Variants in PCDH17 observed in about 807,000 individuals in gnomAD.
PCDH17 encodes protocadherin 17.
PCDH17 carries 21 observed loss-of-function variants against 67.7 expected under a neutral mutation model. The observed-to-expected ratio is 0.31, with a 90% CI of 0.22 to 0.45. The LOEUF (loss-of-function observed/expected upper bound fraction) is 0.45. Ranked by LOEUF, PCDH17 falls within the 20% of genes least tolerant of loss-of-function variation. PCDH17 has a pLI of 1.00. For missense variants in PCDH17, 1,471 were observed against 1,564.8 expected, an observed-to-expected ratio of 0.94 and a Z score of 1.01; for synonymous variants, 701 against 656.7, an observed-to-expected ratio of 1.07 and a Z score of -1.03.
intron 3 of PCDH17, among the ~76,000 whole-genome samples, chr13:57,701,292 T>G (rs1955660759): frequency 6.6e-6 from 1 of 151,592 alleles, no homozygotes; most frequent in Admixed American, 6.6e-5. Flanking sequence ...TTGTTTGTTT[T>G]TTAACATAAC....
At chr13:57,703,447 A>C (rs945446242) in intron 3 of PCDH17, among the ~76,000 whole-genome samples, 2 of 152,148 alleles carry the variant, frequency 1.3e-5, no homozygotes, top group Non-Finnish European at 2.9e-5. Flanking sequence ...AGGAGTGAGC[A>C]AAAGGAGATT....
Position 57,633,347 on chromosome 13 carries a change from C to A in PCDH17, c.801C>A (p.Ala267=). ...PLGTVVIDLN[A]TDADEGPNGE... ...GTACAGTGGTCATCGATCTGAACGC[C>A]ACCGACGCCGATGAAGGTCCCAATG... The change falls in exon 1 of 4, where the codon GCC becomes GCA. Residue 267 remains alanine, a synonymous_variant. Coordinates refer to ENST00000377918, the MANE Select transcript of PCDH17 (RefSeq NM_001040429.3). The surrounding 1 kb of genome is among the most constrained non-coding windows in gnomAD (Gnocchi z 6.2). The A allele has an allele frequency of 1.2e-6, 2 of 1,613,264 alleles. No individual in the cohort carries two copies. Among genetic ancestry groups the A allele is most frequent in the African/African-American group, 2.7e-5 (2 of 75,036 alleles).
intron 1 of PCDH17, among the ~76,000 whole-genome samples, chr13:57,641,549 T>A (rs1404580662): frequency 1.9e-5 from 2 of 107,030 alleles, no homozygotes; most frequent in Non-Finnish European, 3.7e-5. Context: ...TTTCAGACAG[T>A]GTTTGAGAGA....
Position 57,633,338 on chromosome 13 carries a change from T to G in PCDH17, c.792T>G (p.Asp264Glu), listed in dbSNP as rs1278464877. Residue 264 changes from aspartate to glutamate, a missense_variant, in exon 1 of 4, where the codon GAT becomes GAG. Asp to Glu is a conservative substitution (Grantham distance 45). Around this residue, in one of 3 missense-constraint regions of PCDH17, gnomAD observed 1,163 missense variants for 1,230.0 expected, o/e 0.95. Transcript: ENST00000377918. The surrounding 1 kb of genome is among the most constrained non-coding windows in gnomAD (Gnocchi z 6.2). ...CTCCGCTGGGTACAGTGGTCATCGA[T>G]CTGAACGCCACCGACGCCGATGAAG... ...ENAPLGTVVI[D>E]LNATDADEGP... 2 of 1,613,196 alleles carry G rather than the reference T, an allele frequency of 1.2e-6. No individual in the cohort carries two copies. The highest frequency in any genetic ancestry group is 1.7e-6 in the Non-Finnish European group (2 of 1,180,018).
At position 57,696,587 on chromosome 13, in the gene PCDH17, C is replaced by G. The variant is rs150352903; in HGVS notation, c.2798-28025C>G. On this transcript the variant is annotated intron_variant, in intron 3 of 3. Transcript: ENST00000377918. Reference sequence around the variant, plus strand: ...ATGCCTTAGGATTAATTCTTCGCAGCCTGTCTTATATGGTATCCATTAAAA... The same window carrying G: ...ATGCCTTAGGATTAATTCTTCGCAGGCTGTCTTATATGGTATCCATTAAAA... Among the ~76,000 whole-genome samples the G allele has an allele frequency of 3.0e-3, 447 of 151,274 alleles. 2 individuals carry two copies. The highest frequency in any genetic ancestry group is 0.01 in the African/African-American group (415 of 41,434).
intron 3 of PCDH17, 23 bp downstream of exon 3, chr13:57,666,856 T>C: frequency 6.3e-7 from 1 of 1,577,292 alleles, no homozygotes; most frequent in East Asian, 2.3e-5. Context: ...TTCCAATGCT[T>C]ACAAAGTGTA....
At chr13:57,709,577 T>G (rs905409900) in intron 3 of PCDH17, 2 of 152,020 alleles carry the variant, frequency 1.3e-5, no homozygotes, top group African/African-American at 4.8e-5. Flanking sequence ...ATATAAAAGT[T>G]AAAATCAATA....
At chr13:57,689,373 G>A (rs1211149373) in intron 3 of PCDH17, among the ~76,000 whole-genome samples, 1 of 151,946 alleles carries the variant, frequency 6.6e-6, no homozygotes, top group African/African-American at 2.4e-5. Flanking sequence ...TGAGGGAGAA[G>A]GGGCAAGTTT....
At chr13:57,659,065 A>G (rs1266138749) in intron 1 of PCDH17, among the ~76,000 whole-genome samples, 3 of 151,862 alleles carry the variant, frequency 2.0e-5, no homozygotes, top group African/African-American at 7.3e-5. Context: ...TATAATGGGT[A>G]GCATAATATT....
At chr13:57,656,940 T>C (rs1955113409) in intron 1 of PCDH17, among the ~76,000 whole-genome samples, 1 of 152,180 alleles carries the variant, frequency 6.6e-6, no homozygotes, top group African/African-American at 2.4e-5. Flanking sequence ...ACAGCAAATA[T>C]ATAACAGGAA....
At chr13:57,671,394 A>G (rs184007491) in intron 3 of PCDH17, among the ~76,000 whole-genome samples, 305 of 151,992 alleles carry the variant, frequency 2.0e-3, no homozygotes, top group African/African-American at 7.2e-3. Context: ...TAAATATAGT[A>G]TTAGTTCTGT....
At chr13:57,698,256 C>A (rs999391509) in intron 3 of PCDH17, among the ~76,000 whole-genome samples, 8 of 151,490 alleles carry the variant, frequency 5.3e-5, no homozygotes, top group African/African-American at 1.9e-4. Context: ...TACACACACA[C>A]ACATAGAGTT....
Position 57,634,518 on chromosome 13 carries a change from G to A in PCDH17, c.1972G>A (p.Val658Met), listed in dbSNP as rs1389612834. 1.2e-6 allele frequency: 2 copies of A among 1,613,000 alleles called. No individual in the cohort carries two copies. The highest frequency in any genetic ancestry group is 1.7e-5 in the Admixed American group (1 of 60,028). ...LHPFWEDVTP[V>M]VELVVKVTDH... ...CCCTTTCTGGGAGGACGTGACGCCC[G>A]TGGTGGAGCTGGTGGTGAAGGTGAC... Residue 658 changes from valine to methionine, a missense_variant, in exon 1 of 4, where the codon GTG becomes ATG. Val to Met is a conservative substitution (Grantham distance 21). Around this residue, in one of 3 missense-constraint regions of PCDH17, gnomAD observed 1,163 missense variants for 1,230.0 expected, o/e 0.95. Transcript: ENST00000377918. The surrounding 1 kb of genome is among the most constrained non-coding windows in gnomAD (Gnocchi z 7.8).
chr13:57,641,587 A>AATATATATATATATAT (rs1166347188), intron 1 of PCDH17, among the ~76,000 whole-genome samples: 4 of 20,582 alleles, frequency 1.9e-4, no homozygotes, highest in Non-Finnish European at 2.9e-4. Context: ...AAAAAAAAAA[A>AATATATATATATATAT]ATATATATAT....
intron 3 of PCDH17, among the ~76,000 whole-genome samples, chr13:57,682,170 T>G (rs1955457545): frequency 6.6e-6 from 1 of 151,780 alleles, no homozygotes. Flanking sequence ...CTTCTTATAC[T>G]CCTACAATTT....
rs1324685892 is a variant in PCDH17 at position 57,634,784 on chromosome 13, G to A, written c.2238G>A (p.Glu746=). ...GCACTTACAACTGCCGCATCGCCGA[G>A]TACAGCCACCCGCAGCTGGGTGGGG... ...EIRTYNCRIA[E]YSHPQLGGGK... is the part of the protein sequence containing the mutation. The change falls in exon 1 of 4, where the codon GAG becomes GAA. Residue 746 remains glutamate, a synonymous_variant. Transcript: ENST00000377918. This position sits in a 1 kb window ranked among gnomAD's most constrained non-coding sequence, Gnocchi z 7.8. 1.4e-5 allele frequency: 23 copies of A among 1,613,924 alleles called. No individual in the cohort carries two copies. Among genetic ancestry groups the A allele is most frequent in the South Asian group, 2.2e-5 (2 of 91,080 alleles).
At chr13:57,671,422 A>G (rs143143243) in intron 3 of PCDH17, among the ~76,000 whole-genome samples, 27 of 152,008 alleles carry the variant, frequency 1.8e-4, no homozygotes, top group Admixed American at 1.1e-3. Context: ...AGCTACCTAT[A>G]GTTTTATAAA....
Position 57,633,076 on chromosome 13 carries a change from G to C in PCDH17, c.530G>C (p.Gly177Ala). The change falls in exon 1 of 4, where the codon GGC becomes GCC. Residue 177 changes from glycine to alanine, a missense_variant. By Grantham distance (60) the Gly-to-Ala change is moderately conservative. Coordinates refer to ENST00000377918, the MANE Select transcript of PCDH17 (RefSeq NM_001040429.3). This position sits in a 1 kb window ranked among gnomAD's most constrained non-coding sequence, Gnocchi z 6.2. ...RTYLLTRDDHGLFGLDVKSRG... is the reference protein window; with the variant it reads ...RTYLLTRDDHALFGLDVKSRG... Reference sequence around the variant, plus strand: ...TACCTGCTCACGCGCGACGATCACGGCCTCTTTGGACTGGACGTTAAGTCC... The same window carrying C: ...TACCTGCTCACGCGCGACGATCACGCCCTCTTTGGACTGGACGTTAAGTCC... The C allele has an allele frequency of 6.2e-7, 1 of 1,613,358 alleles. No individual in the cohort carries two copies. Among genetic ancestry groups the C allele is most frequent in the South Asian group, 1.1e-5 (1 of 91,058 alleles).
rs768248509 is a variant in PCDH17 at position 57,635,083 on chromosome 13, C to A, written c.2537C>A (p.Thr846Asn). Residue 846 changes from threonine (T) to asparagine (N), a missense_variant, in exon 1 of 4, where the codon ACC becomes AAC. This residue lies in a region of PCDH17 where 1,163 missense variants were observed against 1,230.0 expected (regional missense o/e 0.95). Coordinates refer to ENST00000377918, the MANE Select transcript of PCDH17 (RefSeq NM_001040429.3). ...GGACAAGGGACTAATGCAAGCGAGA[C>A]CCCTGCCACTCGGATGTCCATAATT... ...FTGQGTNASETPATRMSIIQT... is the reference protein window; with the variant it reads ...FTGQGTNASENPATRMSIIQT... 1.2e-6 allele frequency: 2 copies of A among 1,613,554 alleles called. No individual in the cohort carries two copies. The highest frequency in any genetic ancestry group is 2.2e-5 in the South Asian group (2 of 91,076).
Sources: allele counts gnomAD v4.1 joint callset (sites outside exome capture counted in the v4.1 genomes callset), GRCh38; gene constraint gnomAD v4.1.1; regional missense constraint gnomAD v4.1.1; non-coding constraint Gnocchi (gnomAD v3.1); transcripts MANE v1.5; gene names NCBI Gene and HGNC (gene_info 2026-07-23, HGNC 2026-07-21).